The following MITF variants were observed in gnomAD, a reference collection of about 807,000 sequenced individuals.
The protein encoded by MITF is microphthalmia-associated transcription factor.
A neutral mutation model predicts 60.5 loss-of-function variants in MITF; 17 were observed. The ratio of observed to expected loss-of-function variants is 0.28; its 90% CI spans 0.19 to 0.42. The LOEUF is 0.42. Ranked by LOEUF, MITF falls within the 10% of genes least tolerant of loss-of-function variation. The pLI is 1.00. For synonymous variants in MITF, 260 were observed against 248.5 expected, an observed-to-expected ratio of 1.05 and a Z score of -0.43; for missense variants, 622 against 683.5, an observed-to-expected ratio of 0.91 and a Z score of 1.00.
At chr3:69,817,067 G>A (rs1575759439) in intron 1 of MITF, among the ~76,000 whole-genome samples, 1 of 152,210 alleles carries the variant, frequency 6.6e-6, no homozygotes, top group South Asian at 2.1e-4. Context: ...AAGAGTTGAT[G>A]CTTTTTCTGA....
chr3:69,936,459 A>G (rs1035539933), intron 2 of MITF: 7 of 575,110 alleles, frequency 1.2e-5, no homozygotes, highest in Middle Eastern at 5.3e-4. Context: ...GCCAGGGGGA[A>G]AAATTGATAT....
chr3:69,937,753 T>C, intron 2 of MITF, 69 bp from the exon 3 acceptor site: 1 of 1,348,132 alleles, frequency 7.4e-7, no homozygotes, highest in Non-Finnish European at 1.1e-6. Context: ...TGTTTGTGCC[T>C]GAAGGAAGAG....
chr3:69,847,963 A>G (rs1311009589), intron 1 of MITF, among the ~76,000 whole-genome samples: 4 of 152,264 alleles, frequency 2.6e-5, no homozygotes, highest in Admixed American at 2.6e-4. Context: ...TGCTGGCCAC[A>G]TTATTTCCCA....
chr3:69,907,079 A>C (rs12106913), intron 2 of MITF, among the ~76,000 whole-genome samples: 2,360 of 152,272 alleles, frequency 0.015, 28 homozygotes, highest in Middle Eastern at 0.051. Context: ...AAGCTACACA[A>C]CCAGAAGTAA....
At chr3:69,883,537 G>C (rs897583513) in intron 2 of MITF, among the ~76,000 whole-genome samples, 2 of 152,134 alleles carry the variant, frequency 1.3e-5, no homozygotes. Context: ...TATTTTTTAG[G>C]TATAACACAG....
At chr3:69,962,320 C>G (rs1222647524) in intron 9 of MITF, among the ~76,000 whole-genome samples, 5 of 152,218 alleles carry the variant, frequency 3.3e-5, no homozygotes, top group African/African-American at 1.2e-4. Context: ...GTCAGTGGAA[C>G]TGCCATTTTA....
At chr3:69,744,257 A>T (rs570290469) in intron 1 of MITF, among the ~76,000 whole-genome samples, 120 of 152,346 alleles carry the variant, frequency 7.9e-4, no homozygotes, top group African/African-American at 2.8e-3. Context: ...TCTTCATATT[A>T]AAAAATGCCC....
chr3:69,834,298 A>G (rs2063503804), intron 1 of MITF, among the ~76,000 whole-genome samples: 1 of 152,148 alleles, frequency 6.6e-6, no homozygotes, highest in African/African-American at 2.4e-5. Flanking sequence ...CTGTTCACTA[A>G]CCTGTCCCTA....
chr3:69,938,204 G>A (rs2065889213), intron 3 of MITF, 155 bp downstream of exon 3: 3 of 1,137,426 alleles, frequency 2.6e-6, no homozygotes, highest in Non-Finnish European at 3.9e-6. Context: ...TGGCATTCCA[G>A]CCTGTTGTCT....
At chr3:69,867,122 T>C (rs769368862) in intron 1 of MITF, among the ~76,000 whole-genome samples, 17 of 152,184 alleles carry the variant, frequency 1.1e-4, no homozygotes, top group Non-Finnish European at 2.2e-4. Context: ...TGTCCCCAAG[T>C]GAATAGGCAT....
At position 69,776,744 on chromosome 3, in the gene MITF, G is replaced by A. The variant is rs111735471; in HGVS notation, c.104+37043G>A. On this transcript the variant is annotated intron_variant, in intron 1 of 9. Coordinates refer to ENST00000352241, the MANE Select transcript of MITF (RefSeq NM_001354604.2). ...TAATGTCAATTTTTATGAGAAATCG[G>A]TGAGATAATGCATATGTAAAGTGCT... Among the ~76,000 whole-genome samples, 617 of 152,240 alleles carry A rather than the reference G, an allele frequency of 4.1e-3. 6 individuals are homozygous for A. The highest frequency in any genetic ancestry group is 0.014 in the African/African-American group (571 of 41,544).
At chr3:69,853,142 G>T (rs760463252) in intron 1 of MITF, among the ~76,000 whole-genome samples, 9 of 152,110 alleles carry the variant, frequency 5.9e-5, no homozygotes, top group Non-Finnish European at 1.2e-4. Flanking sequence ...CTAGTAGTAG[G>T]TGTATAATAT....
intron 2 of MITF, among the ~76,000 whole-genome samples, chr3:69,919,488 AT>A (rs750277020): frequency 4.0e-5 from 6 of 151,858 alleles, no homozygotes; most frequent in East Asian, 1.9e-4. Context: ...TTAGGATTAA[AT>A]TTTTTTTTGT....
chr3:69,765,398 GT>G (rs2062274562), intron 1 of MITF, among the ~76,000 whole-genome samples: 1 of 152,154 alleles, frequency 6.6e-6, no homozygotes, highest in Admixed American at 6.5e-5. Context: ...AAAGTCATAT[GT>G]TTATTCCAGA....
chr3:69,887,650 T>G (rs953571098), intron 2 of MITF, among the ~76,000 whole-genome samples: 1 of 152,032 alleles, frequency 6.6e-6, no homozygotes, highest in African/African-American at 2.4e-5. Context: ...AAGGAGAGAA[T>G]GGTCCTAAAA....
chr3:69,851,386 A>G (rs2063821381), intron 1 of MITF, among the ~76,000 whole-genome samples: 1 of 152,090 alleles, frequency 6.6e-6, no homozygotes, highest in Non-Finnish European at 1.5e-5. Flanking sequence ...ATTCATAATT[A>G]CCCCAAACTG....
intron 1 of MITF, among the ~76,000 whole-genome samples, chr3:69,754,402 C>G (rs1704050575): frequency 6.6e-6 from 1 of 152,124 alleles, no homozygotes; most frequent in South Asian, 2.1e-4. Flanking sequence ...GTCTTGAAAT[C>G]TGTCCCCCTT....
intron 1 of MITF, among the ~76,000 whole-genome samples, chr3:69,805,549 T>C (rs2062991401): frequency 1.3e-5 from 2 of 152,344 alleles, no homozygotes; most frequent in South Asian, 4.1e-4. Flanking sequence ...TCTTTTCCGC[T>C]GTATATTACA....
intron 2 of MITF, among the ~76,000 whole-genome samples, chr3:69,913,808 C>T (rs2065274151): frequency 6.6e-6 from 1 of 152,110 alleles, no homozygotes; most frequent in East Asian, 1.9e-4. Context: ...GTGGTGATGC[C>T]TACTCAACCT....
Sources: gnomAD v4.1 joint callset for allele counts (sites outside exome capture counted in the v4.1 genomes callset) on GRCh38, gnomAD v4.1.1 for gene constraint, MANE v1.5 for transcripts, NCBI Gene and HGNC (gene_info 2026-07-23, HGNC 2026-07-21) for gene names.